Variants in APBB1IP observed in about 807,000 individuals in gnomAD.
APBB1IP encodes amyloid beta A4 precursor protein-binding family B member 1-interacting protein.
A neutral mutation model predicts 64.9 loss-of-function variants in APBB1IP; 27 were observed. That is an observed-to-expected ratio of 0.42 (90% CI 0.31 to 0.57). The LOEUF is 0.57. Among genes scored for constraint, APBB1IP ranks in the 20% least tolerant of loss-of-function variants. The pLI, the probability that APBB1IP is intolerant of heterozygous loss-of-function variation, is 0.20. For synonymous variants in APBB1IP, 392 were observed against 331.0 expected, an observed-to-expected ratio of 1.18 and a Z score of -2.00; for missense variants, 812 against 845.5, an observed-to-expected ratio of 0.96 and a Z score of 0.49.
intron 2 of APBB1IP, among the ~76,000 whole-genome samples, chr10:26,443,339 G>T (rs1470309670): frequency 2.6e-5 from 4 of 151,562 alleles, no homozygotes; most frequent in African/African-American, 9.7e-5. Flanking sequence ...CAGGAGAATC[G>T]CTTGAACCCA....
chr10:26,483,374 G>A (rs1835858472), intron 2 of APBB1IP, among the ~76,000 whole-genome samples: 1 of 152,120 alleles, frequency 6.6e-6, no homozygotes, highest in Non-Finnish European at 1.5e-5. Context: ...GAATATAAAA[G>A]TGTTTTCATT....
chr10:26,477,889 A>C (rs1835793210), intron 2 of APBB1IP, among the ~76,000 whole-genome samples: 1 of 152,040 alleles, frequency 6.6e-6, no homozygotes, highest in South Asian at 2.1e-4. Context: ...CATCCAACTA[A>C]CTTTTTAAAA....
intron 2 of APBB1IP, among the ~76,000 whole-genome samples, chr10:26,450,155 C>T (rs1282828709): frequency 1.3e-5 from 2 of 152,106 alleles, no homozygotes; most frequent in Non-Finnish European, 2.9e-5. Flanking sequence ...TGCAGTGGAT[C>T]AAACACGGGC....
chr10:26,521,684 A>G (rs1836403324), intron 8 of APBB1IP, among the ~76,000 whole-genome samples: 1 of 152,220 alleles, frequency 6.6e-6, no homozygotes, highest in African/African-American at 2.4e-5. Context: ...TTGAAAAACC[A>G]TGTGCCACCT....
intron 6 of APBB1IP, among the ~76,000 whole-genome samples, chr10:26,510,204 A>G (rs1168992536): frequency 6.6e-6 from 1 of 152,128 alleles, no homozygotes; most frequent in Non-Finnish European, 1.5e-5. Flanking sequence ...TCCTGACCTC[A>G]TGATCTGTCC....
chr10:26,478,513 T>C (rs1431341838), intron 2 of APBB1IP, among the ~76,000 whole-genome samples: 34 of 151,320 alleles, frequency 2.2e-4, no homozygotes, highest in Non-Finnish European at 1.5e-5. Context: ...TACTCAGCAG[T>C]CTGAGGCAGG....
chr10:26,528,071 A>G (rs1255750020), intron 8 of APBB1IP, among the ~76,000 whole-genome samples: 3 of 152,140 alleles, frequency 2.0e-5, no homozygotes, highest in Non-Finnish European at 2.9e-5. Context: ...GTACAGGCAA[A>G]TGACAGAAAC....
chr10:26,452,132 T>C (rs1030184417), intron 2 of APBB1IP, among the ~76,000 whole-genome samples: 1 of 137,010 alleles, frequency 7.3e-6, no homozygotes, highest in African/African-American at 2.6e-5. Context: ...TTGTTGATTA[T>C]ATCAAACATA....
intron 2 of APBB1IP, among the ~76,000 whole-genome samples, chr10:26,469,390 G>C (rs925863455): frequency 1.3e-5 from 2 of 149,930 alleles, no homozygotes; most frequent in African/African-American, 2.5e-5. Flanking sequence ...CTCCTGAATA[G>C]TTGAGATGAC....
rs560464700 is a variant in APBB1IP, at chr10:26,537,759, C to T, written c.1044+1542C>T. Among the ~76,000 whole-genome samples, 24 of 151,958 alleles carry T rather than the reference C, an allele frequency of 1.6e-4. No individual in the cohort carries two copies. In the South Asian group the frequency reaches 3.1e-3, roughly 20 times the overall value. On this transcript the variant is annotated intron_variant, in intron 10 of 14. Coordinates refer to ENST00000376236, the MANE Select transcript of APBB1IP (RefSeq NM_019043.4). ...GACCAGCCTGGCCAACATGGTGAAA[C>T]GCTACCTCTACTAAAAATACAAAAA...
chr10:26,462,222 T>A (rs2992267), intron 2 of APBB1IP, among the ~76,000 whole-genome samples: 37,262 of 152,148 alleles, frequency 0.24, 4,880 homozygotes, highest in East Asian at 0.49. Flanking sequence ...TGCCATTGAC[T>A]GTTTATAAAT....
chr10:26,563,107 A>G (rs539774386), intron 14 of APBB1IP, among the ~76,000 whole-genome samples: 2 of 152,296 alleles, frequency 1.3e-5, no homozygotes, highest in African/African-American at 4.8e-5. Flanking sequence ...CCTTTTTTGA[A>G]TAAAATAGGG....
intron 2 of APBB1IP, among the ~76,000 whole-genome samples, chr10:26,452,888 A>G (rs1424678795): frequency 6.7e-6 from 1 of 148,508 alleles, no homozygotes; most frequent in African/African-American, 2.5e-5. Context: ...GCTTCCACTT[A>G]TAAGTGAGAA....
At chr10:26,471,588 G>A (rs1211114332) in intron 2 of APBB1IP, among the ~76,000 whole-genome samples, 1 of 152,154 alleles carries the variant, frequency 6.6e-6, no homozygotes, top group Non-Finnish European at 1.5e-5. Flanking sequence ...ATCACCCAAT[G>A]TATTGTGGAC....
At chr10:26,440,110 T>C (rs1290383417) in intron 2 of APBB1IP, among the ~76,000 whole-genome samples, 2 of 152,208 alleles carry the variant, frequency 1.3e-5, no homozygotes, top group Non-Finnish European at 2.9e-5. Flanking sequence ...AAACTATTAA[T>C]CCTTAAACTA....
chr10:26,524,009 A>G (rs1836438683), intron 8 of APBB1IP, among the ~76,000 whole-genome samples: 1 of 152,106 alleles, frequency 6.6e-6, no homozygotes, highest in South Asian at 2.1e-4. Context: ...AGCACTCAGA[A>G]CACAGTGCCC....
intron 14 of APBB1IP, among the ~76,000 whole-genome samples, chr10:26,565,290 C>T (rs1588622681): frequency 6.6e-6 from 1 of 152,154 alleles, no homozygotes; most frequent in African/African-American, 2.4e-5. Context: ...ACTCCTGACA[C>T]GAGCTTCACA....
chr10:26,460,806 G>A (rs1835580483), intron 2 of APBB1IP, among the ~76,000 whole-genome samples: 2 of 152,164 alleles, frequency 1.3e-5, no homozygotes, highest in African/African-American at 4.8e-5. Context: ...GGTTGGATGG[G>A]GAGCGGGGAG....
At chr10:26,466,187 G>A (rs1434824331) in intron 2 of APBB1IP, among the ~76,000 whole-genome samples, 1 of 152,196 alleles carries the variant, frequency 6.6e-6, no homozygotes, top group Non-Finnish European at 1.5e-5. Context: ...GCCCCTCCGG[G>A]TGTCCTGGGC....
Sources: allele counts gnomAD v4.1 joint callset (sites outside exome capture counted in the v4.1 genomes callset), GRCh38; gene constraint gnomAD v4.1.1; transcripts MANE v1.5; gene names NCBI Gene and HGNC (gene_info 2026-07-23, HGNC 2026-07-21).